A4GALT: variants seen among roughly 807,000 people sequenced by gnomAD.
A4GALT encodes lactosylceramide 4-alpha-galactosyltransferase.
For synonymous variants in A4GALT, 257 were observed against 220.7 expected, an observed-to-expected ratio of 1.16 and a Z score of -1.46; for missense variants, 512 against 486.0, an observed-to-expected ratio of 1.05 and a Z score of -0.50.
chr22:42,718,419 G>C (rs1256868539), intron 1 of A4GALT: 1 of 148,578 alleles, frequency 6.7e-6, no homozygotes, highest in African/African-American at 2.5e-5. Flanking sequence ...GTGCCACCAC[G>C]CCCAGTTAAT....
At chr22:42,699,128 G>C (rs897565222) in intron 1 of A4GALT, among the ~76,000 whole-genome samples, 2 of 151,784 alleles carry the variant, frequency 1.3e-5, no homozygotes, top group African/African-American at 4.8e-5. Flanking sequence ...CTGTCGCCCA[G>C]GCTGGAGTGT....
At chr22:42,702,449 C>A (rs936817117) in intron 1 of A4GALT, among the ~76,000 whole-genome samples, 9 of 151,646 alleles carry the variant, frequency 5.9e-5, no homozygotes, top group African/African-American at 1.9e-4. Flanking sequence ...TCAAGCGATT[C>A]TCTTGCCTCA....
At chr22:42,704,598 C>A (rs181882041) in intron 1 of A4GALT, among the ~76,000 whole-genome samples, 1 of 151,910 alleles carries the variant, frequency 6.6e-6, no homozygotes, top group African/African-American at 2.4e-5. Context: ...AAATATTCTT[C>A]CTCCCAGGCC....
chr22:42,710,289 AAC>A (rs1175574102), intron 1 of A4GALT, among the ~76,000 whole-genome samples: 1 of 152,224 alleles, frequency 6.6e-6, no homozygotes, highest in Non-Finnish European at 1.5e-5. Context: ...TGGTAGTATA[AAC>A]ACACACACTT....
At chr22:42,718,903 G>T (rs1276108470) in intron 1 of A4GALT, among the ~76,000 whole-genome samples, 1 of 152,218 alleles carries the variant, frequency 6.6e-6, no homozygotes, top group Non-Finnish European at 1.5e-5. Flanking sequence ...TCAGATGGCT[G>T]GCTTGGTGGT....
intron 1 of A4GALT, among the ~76,000 whole-genome samples, chr22:42,712,892 C>T (rs1008140817): frequency 2.0e-5 from 3 of 152,094 alleles, no homozygotes; most frequent in South Asian, 2.1e-4. Flanking sequence ...AGTGTGACTC[C>T]GTCTCAATAA....
At position 42,693,301 on chromosome 22, in the gene A4GALT, G is replaced by T; in HGVS notation, c.651C>A (p.Asn217Lys). 1 of 1,613,120 alleles carries T rather than the reference G, an allele frequency of 6.2e-7. No homozygotes were observed. The highest frequency in any genetic ancestry group is 8.5e-7 in the Non-Finnish European group (1 of 1,179,988). ...GGCGCTCGAAGGCCAGGAACGCGCCGTTGAGGACGTAGCGGGACTGGGTGC... is the reference window on the plus strand; with the variant it reads ...GGCGCTCGAAGGCCAGGAACGCGCCTTTGAGGACGTAGCGGGACTGGGTGC... ...VLGTQSRYVLNGAFLAFERRH... is the reference protein window; with the variant it reads ...VLGTQSRYVLKGAFLAFERRH... The change falls in exon 3 of 3, where the codon AAC becomes AAA. Residue 217 changes from asparagine (N) to lysine (K), a missense_variant. Physicochemically the swap from Asn to Lys is moderately conservative, Grantham distance 94. Transcript: ENST00000642412.
chr22:42,703,143 T>TGTGTGTGTGTGTGTGTGTGTGTG (rs1555887019), intron 1 of A4GALT, among the ~76,000 whole-genome samples: 12 of 148,192 alleles, frequency 8.1e-5, no homozygotes, highest in African/African-American at 3.0e-4. Context: ...TGTGTGTGTG[T>TGTGTGTGTGTGTGTGTGTGTGTG]TGTCCCCACC....
At chr22:42,707,955 C>A (rs77504830) in intron 1 of A4GALT, among the ~76,000 whole-genome samples, 2,372 of 104,644 alleles carry the variant, frequency 0.023, no homozygotes, top group African/African-American at 0.031. Flanking sequence ...ACTGTCACTA[C>A]AAAAAAAAAA....
chr22:42,710,453 T>C (rs1392727588), intron 1 of A4GALT, among the ~76,000 whole-genome samples: 8 of 152,100 alleles, frequency 5.3e-5, no homozygotes. Flanking sequence ...CCCAGCACTT[T>C]AGGAGGCTGA....
intron 1 of A4GALT, among the ~76,000 whole-genome samples, chr22:42,707,322 T>A (rs13055547): frequency 0.35 from 52,836 of 151,974 alleles, 10,254 homozygotes; most frequent in South Asian, 0.45. Context: ...GGGAATTTTT[T>A]AAAAAATTTT....
intron 1 of A4GALT, among the ~76,000 whole-genome samples, chr22:42,715,035 T>G (rs1225793537): frequency 4.1e-5 from 5 of 121,302 alleles, no homozygotes; most frequent in Admixed American, 8.8e-5. Context: ...AACAGCAGAG[T>G]ATGTGGGGTG....
At chr22:42,714,680 A>C (rs1490588356) in intron 1 of A4GALT, among the ~76,000 whole-genome samples, 1 of 152,108 alleles carries the variant, frequency 6.6e-6, no homozygotes, top group Non-Finnish European at 1.5e-5. Flanking sequence ...GGAGGCTGAG[A>C]ATCGCTTGAA....
chr22:42,706,414 T>C (rs997842943), intron 1 of A4GALT, among the ~76,000 whole-genome samples: 5 of 151,170 alleles, frequency 3.3e-5, no homozygotes, highest in African/African-American at 9.7e-5. Context: ...AAAAGATTTT[T>C]AGATTAGATT....
intron 1 of A4GALT, among the ~76,000 whole-genome samples, chr22:42,704,190 G>A (rs184788788): frequency 2.0e-5 from 3 of 152,132 alleles, no homozygotes; most frequent in South Asian, 4.2e-4. Flanking sequence ...GGTATAAGAA[G>A]GACTGTTTGT....
At chr22:42,705,065 A>G (rs1261797070) in intron 1 of A4GALT, among the ~76,000 whole-genome samples, 1 of 152,154 alleles carries the variant, frequency 6.6e-6, no homozygotes, top group African/African-American at 2.4e-5. Flanking sequence ...ATGCAGAGAA[A>G]GGCCATACTT....
chr22:42,703,057 C>CTCTGTGTGTGTGTGTGTGTGTG lies in A4GALT; in HGVS notation c.-187-7427_-187-7426insCACACACACACACACACACAGA, dbSNP rs753250465. 1.5e-3 allele frequency among the ~76,000 whole-genome samples: 203 copies of CTCTGTGTGTGTGTGTGTGTGTG among 134,412 alleles called. 7 individuals are homozygous for CTCTGTGTGTGTGTGTGTGTGTG. The highest frequency in any genetic ancestry group is 6.4e-3 in the African/African-American group (200 of 31,026). The allele number at this position is 134,412 out of a possible 152,430, so 88.2% of individuals were successfully genotyped here. On this transcript the variant is annotated intron_variant, in intron 1 of 2. Coordinates refer to ENST00000642412, the MANE Select transcript of A4GALT (RefSeq NM_017436.7). ...GCCTTGGCTGGCACATGCTGCCCTG[C>CTCTGTGTGTGTGTGTGTGTGTG]TGTGTGTGTGTGTGTGTGTGTGTGT...
chr22:42,704,127 T>A lies in A4GALT; in HGVS notation c.-187-8496A>T, dbSNP rs28992192. Among the ~76,000 whole-genome samples the A allele has an allele frequency of 6.2e-3, 937 of 152,144 alleles. 14 individuals carry two copies. Among genetic ancestry groups the A allele is most frequent in the African/African-American group, 0.02 (840 of 41,498 alleles). On this transcript the variant is annotated intron_variant, in intron 1 of 2. Transcript: ENST00000642412. ...CACAATCTTTCAAGGCACAAATAAA[T>A]ATAATATTTCTACCCAAGAAGTAAG...
intron 1 of A4GALT, among the ~76,000 whole-genome samples, chr22:42,696,638 A>T (rs748556890): frequency 1.6e-4 from 24 of 151,794 alleles, no homozygotes; most frequent in Non-Finnish European, 1.5e-5. Flanking sequence ...CAGCAGGCAC[A>T]TGGGAAAATG....
Sources: gnomAD v4.1 joint callset for allele counts (sites outside exome capture counted in the v4.1 genomes callset) on GRCh38, gnomAD v4.1.1 for gene constraint, MANE v1.5 for transcripts, NCBI Gene and HGNC (gene_info 2026-07-23, HGNC 2026-07-21) for gene names.